Variants in DNPEP observed in about 807,000 individuals in gnomAD.
DNPEP encodes aspartyl aminopeptidase.
A neutral mutation model predicts 59.1 loss-of-function variants in DNPEP; 46 were observed. That is an observed-to-expected ratio of 0.78 (90% CI 0.61 to 0.99). DNPEP has a LOEUF of 0.99. DNPEP is among the 50% of genes least tolerant of loss of function. The pLI is 0.00. For synonymous variants in DNPEP, 229 were observed against 242.2 expected, an observed-to-expected ratio of 0.95 and a Z score of 0.50; for missense variants, 617 against 649.9, an observed-to-expected ratio of 0.95 and a Z score of 0.55.
chr2:219,389,221 G>T (rs971953306), upstream of DNPEP, among the ~76,000 whole-genome samples: 1 of 152,110 alleles, frequency 6.6e-6, no homozygotes, highest in Non-Finnish European at 1.5e-5. Flanking sequence ...GTATTCCCAT[G>T]TCAGGAGTAG....
At chr2:219,395,491 C>A (rs1405465818) in intron 1 of DNPEP, among the ~76,000 whole-genome samples, 1 of 152,146 alleles carries the variant, frequency 6.6e-6, no homozygotes, top group Admixed American at 6.6e-5. Flanking sequence ...CTAGGTTGCC[C>A]ACTCCAGGAT....
intron 14 of DNPEP, 79 bp downstream of exon 14, chr2:219,374,776 C>T (rs1401190548): frequency 2.9e-5 from 43 of 1,503,090 alleles, no homozygotes; most frequent in Admixed American, 7.4e-5. Flanking sequence ...TTTGTGATGG[C>T]GATGTTGTCC....
At chr2:219,392,518 T>C (rs1954034597), upstream of DNPEP, among the ~76,000 whole-genome samples, 1 of 152,086 alleles carries the variant, frequency 6.6e-6, no homozygotes. Context: ...CAGTTAAATT[T>C]TTTTTTTTGA....
At chr2:219,380,152 A>G (rs1953528243) in intron 13 of DNPEP, among the ~76,000 whole-genome samples, 1 of 147,198 alleles carries the variant, frequency 6.8e-6, no homozygotes, top group Non-Finnish European at 1.5e-5. Flanking sequence ...CAGGTGGACC[A>G]TTTTAAATCT....
At chr2:219,398,530 A>C (rs1030837653) in intron 1 of DNPEP, among the ~76,000 whole-genome samples, 2 of 152,160 alleles carry the variant, frequency 1.3e-5, no homozygotes, top group Non-Finnish European at 2.9e-5. Flanking sequence ...CATGCCTGTA[A>C]TCCTAGCTAC....
In DNPEP at chr2:219,396,597, GA is replaced by G. The variant is rs201043850; in HGVS notation, c.-158+3342del. Among the ~76,000 whole-genome samples the G allele has an allele frequency of 9.4e-3, 1,406 of 149,458 alleles. 25 individuals carry two copies. Among genetic ancestry groups the G allele is most frequent in the African/African-American group, 0.032 (1,304 of 40,764 alleles). ...AGCAAGACTCCATCTCAAAAAAAAA[GA>G]AAAAAAAAGATAAGGAATAATCTTT... On this transcript the variant is annotated intron_variant, in intron 1 of 6. Coordinates refer to the DNPEP transcript ENST00000434339.
chr2:219,387,475 G>A (rs1953899242), intron 1 of DNPEP: 2 of 1,430,500 alleles, frequency 1.4e-6, no homozygotes, highest in Admixed American at 3.0e-5. Flanking sequence ...GATCCCAAGC[G>A]GGCCCCATAC....
At chr2:219,383,679 C>T (rs1953694856) in intron 9 of DNPEP, among the ~76,000 whole-genome samples, 1 of 152,060 alleles carries the variant, frequency 6.6e-6, no homozygotes, top group African/African-American at 2.4e-5. Context: ...TGATTGGCCT[C>T]AGGGAAAAGA....
chr2:219,393,999 C>A (rs1044307056), intron 1 of DNPEP, among the ~76,000 whole-genome samples: 3 of 152,146 alleles, frequency 2.0e-5, no homozygotes, highest in South Asian at 2.1e-4. Context: ...GCGGGTCAAG[C>A]TGATTAGCAT....
chr2:219,389,488 C>A (rs1953975989), upstream of DNPEP, among the ~76,000 whole-genome samples: 1 of 152,132 alleles, frequency 6.6e-6, no homozygotes, highest in African/African-American at 2.4e-5. Flanking sequence ...AAGAATTCAC[C>A]CACTAGGTGC....
chr2:219,377,782 G>C (rs946144732), intron 13 of DNPEP, among the ~76,000 whole-genome samples: 1 of 152,090 alleles, frequency 6.6e-6, no homozygotes, highest in African/African-American at 2.4e-5. Context: ...AAATTAGCCA[G>C]CATGGTGGCA....
intron 1 of DNPEP, among the ~76,000 whole-genome samples, chr2:219,396,169 C>T (rs924320827): frequency 4.6e-5 from 7 of 152,100 alleles, no homozygotes; most frequent in African/African-American, 1.7e-4. Context: ...GAAGGAGTAG[C>T]TCAGGAATAT....
chr2:219,392,409 A>G (rs903239287), upstream of DNPEP, among the ~76,000 whole-genome samples: 4 of 151,530 alleles, frequency 2.6e-5, no homozygotes, highest in Admixed American at 6.6e-5. Flanking sequence ...GGCAGTGGCA[A>G]CCATCTCAGC....
chr2:219,385,434 G>T lies in DNPEP; in HGVS notation c.764C>A (p.Thr255Asn), dbSNP rs768391901. The T allele has an allele frequency of 6.2e-6, 10 of 1,609,108 alleles. No individual in the cohort carries two copies. Among genetic ancestry groups the T allele is most frequent in the Non-Finnish European group, 8.5e-6 (10 of 1,175,764 alleles). The change falls in exon 8 of 15, where the codon ACC becomes AAC. Residue 255 changes from threonine (T) to asparagine (N), a missense_variant. Physicochemically the swap from Thr to Asn is moderately conservative, Grantham distance 65 (BLOSUM62 0). Coordinates refer to ENST00000273075, the MANE Select transcript of DNPEP (RefSeq NM_012100.4). Reference protein sequence around the residue: ...IVEMELCLADTQPAVLGGAYD... With the variant: ...IVEMELCLADNQPAVLGGAYD... ...ACAGCCAGTCCTCACCGCAGGCTGG[G>T]TGTCTGCAAGGCAGAGCTCCATCTC...
At chr2:219,396,056 G>T (rs1954091900) in intron 1 of DNPEP, among the ~76,000 whole-genome samples, 2 of 152,164 alleles carry the variant, frequency 1.3e-5, no homozygotes, top group African/African-American at 4.8e-5. Flanking sequence ...ATGGATCTCA[G>T]GTGCCTTATG....
At chr2:219,395,918 G>A (rs1330442593) in intron 1 of DNPEP, among the ~76,000 whole-genome samples, 1 of 152,160 alleles carries the variant, frequency 6.6e-6, no homozygotes, top group Non-Finnish European at 1.5e-5. Flanking sequence ...GCAGGTAGTG[G>A]ATATACAATA....
chr2:219,387,148 T>C lies in DNPEP; in HGVS notation c.52A>G (p.Lys18Glu), dbSNP rs891630642. The C allele has an allele frequency of 4.5e-6, 7 of 1,561,392 alleles. No individual in the cohort carries two copies. The highest frequency in any genetic ancestry group is 5.2e-6 in the Non-Finnish European group (6 of 1,151,988). The change falls in exon 2 of 15, where the codon AAG becomes GAG. Residue 18 changes from lysine to glutamate, a missense_variant. Coordinates refer to ENST00000273075, the MANE Select transcript of DNPEP (RefSeq NM_012100.4). ...RGAMQVAMNG[K>E]ARKEAVQTAA... ...GTCTGCACCGCCTCTTTGCGGGCCTTACCGTTCATGGCCACCTAGGGGAGG... is the reference window on the plus strand; with the variant it reads ...GTCTGCACCGCCTCTTTGCGGGCCTCACCGTTCATGGCCACCTAGGGGAGG...
Position 219,383,124 on chromosome 2 carries a change from C to G in DNPEP, c.936+7G>C, listed in dbSNP as rs371797132. On this transcript the variant is annotated splice_region_variant and intron_variant, in intron 10 of 14. Transcript: ENST00000273075. Reference sequence around the variant, plus strand: ...AGAGGTGACCCTCCCCAGAACCCTCCACGTACCTCTTCGTTGTCATAGAGT... The same window carrying G: ...AGAGGTGACCCTCCCCAGAACCCTCGACGTACCTCTTCGTTGTCATAGAGT... 1.9e-6 allele frequency: 3 copies of G among 1,613,602 alleles called. No individual in the cohort carries two copies. In the African/African-American group the frequency reaches 4.0e-5, roughly 22 times the overall value.
At chr2:219,387,555 T>C in intron 1 of DNPEP, 1 of 1,351,772 alleles carries the variant, frequency 7.4e-7, no homozygotes. Flanking sequence ...AGGAGCACCC[T>C]GACTCCTCTC....
Sources: allele counts gnomAD v4.1 joint callset (sites outside exome capture counted in the v4.1 genomes callset), GRCh38; gene constraint gnomAD v4.1.1; transcripts MANE v1.5; gene names NCBI Gene and HGNC (gene_info 2026-07-23, HGNC 2026-07-21).